The following ANKMY1 variants were observed in gnomAD, a reference collection of about 807,000 sequenced individuals.
ANKMY1 encodes ankyrin repeat and MYND domain containing 1, also known as ankyrin repeat and MYND domain-containing protein 1.
A neutral mutation model predicts 102.0 loss-of-function variants in ANKMY1; 98 were observed. That is an observed-to-expected ratio of 0.96 (90% confidence interval 0.82 to 1.14). The LOEUF (loss-of-function observed/expected upper bound fraction) is 1.14. ANKMY1 is among the 50% of genes most tolerant of loss of function. ANKMY1 has a pLI of 0.00. For synonymous variants in ANKMY1, 582 were observed against 559.9 expected (o/e 1.04, Z -0.56); for missense variants, 1,330 against 1,347.6 (o/e 0.99, Z 0.20).
intron 3 of ANKMY1, 141 bp downstream of exon 3, chr2:240,554,724 AT>A: frequency 1.0e-6 from 1 of 975,716 alleles, no homozygotes; most frequent in South Asian, 1.8e-5. Context: ...TTCTCTGGAC[AT>A]TTCTCAAGGA....
intron 15 of ANKMY1, among the ~76,000 whole-genome samples, chr2:240,489,364 G>A (rs1261567803): frequency 6.6e-6 from 1 of 152,090 alleles, no homozygotes. Flanking sequence ...GCTGAGGCAG[G>A]GAGAATTGCT....
At position 240,529,317 on chromosome 2, in the gene ANKMY1, C is replaced by G. The variant is rs751415576; in HGVS notation, c.673G>C (p.Glu225Gln). Reference sequence around the variant, plus strand: ...AGTCCCCACTCCGTTTTCTCCTCTTCTGAGAGGCTGATCCTGGCAGGGCTG... The same window carrying G: ...AGTCCCCACTCCGTTTTCTCCTCTTGTGAGAGGCTGATCCTGGCAGGGCTG... ...THSPARISLS[E>Q]EEKTEWGLQE... is the part of the protein sequence containing the mutation. Residue 225 changes from glutamate (E) to glutamine (Q), a missense_variant, in exon 5 of 18, where the codon GAA becomes CAA. Transcript: ENST00000401804. This position sits in a 1 kb window ranked among gnomAD's most constrained non-coding sequence, Gnocchi z 4.2. 7 of 1,614,188 alleles carry G rather than the reference C, an allele frequency of 4.3e-6. No individual in the cohort carries two copies. Among genetic ancestry groups the G allele is most frequent in the Non-Finnish European group, 5.9e-6 (7 of 1,180,038 alleles).
downstream of ANKMY1, among the ~76,000 whole-genome samples, chr2:240,476,317 C>G: frequency 6.6e-6 from 1 of 152,146 alleles, no homozygotes; most frequent in East Asian, 1.9e-4. Flanking sequence ...GGACCCTTAT[C>G]TTACACCATA....
Position 240,557,290 on chromosome 2 carries a change from C to T in ANKMY1, c.46G>A (p.Gly16Arg). Residue 16 changes from glycine to arginine, a missense_variant, in exon 2 of 18, where the codon GGG becomes AGG. Physicochemically the swap from Gly to Arg is moderately radical, Grantham distance 125 (BLOSUM62 -2). Transcript: ENST00000401804. Reference protein sequence around the residue: ...ASLSLEDEVSGAGSRQRPLEG... With the variant: ...ASLSLEDEVSRAGSRQRPLEG... ...AGCGGGCGTTGGCGGCTGCCAGCCC[C>T]AGAGACTTCGTCCTCTAAGCTAAGG... 1 of 1,593,074 alleles carries T rather than the reference C, an allele frequency of 6.3e-7. No homozygotes were observed. The highest frequency in any genetic ancestry group is 1.7e-5 in the Admixed American group (1 of 57,730).
At chr2:240,515,188 TG>T (rs1238355116) in intron 9 of ANKMY1, among the ~76,000 whole-genome samples, 1 of 152,244 alleles carries the variant, frequency 6.6e-6, no homozygotes, top group Non-Finnish European at 1.5e-5. Flanking sequence ...GGCCAGTGTC[TG>T]GGCCCCAGTG....
At chr2:240,503,662 G>C (rs534893317) in intron 13 of ANKMY1, among the ~76,000 whole-genome samples, 1 of 152,196 alleles carries the variant, frequency 6.6e-6, no homozygotes, top group African/African-American at 2.4e-5. Flanking sequence ...ACCATGGGCC[G>C]AGGCCAAGAA....
intron 4 of ANKMY1, among the ~76,000 whole-genome samples, chr2:240,537,689 G>A (rs1008533039): frequency 1.3e-5 from 2 of 152,194 alleles, no homozygotes; most frequent in East Asian, 3.8e-4. Context: ...AACGAAGTGT[G>A]CATGTCTATA....
rs759845841 is a variant in ANKMY1, at chr2:240,509,394, C to G, written c.2348G>C (p.Ser783Thr). ...GGACAGGGAGAGCGGGGAGTGGCCACTCCACAGCAGGTTAGGATTTGCTCC... is the reference window on the plus strand; with the variant it reads ...GGACAGGGAGAGCGGGGAGTGGCCAGTCCACAGCAGGTTAGGATTTGCTCC... ...SHGANPNLLWSGHSPLSLSIA... is the reference protein window; with the variant it reads ...SHGANPNLLWTGHSPLSLSIA... Residue 783 changes from serine (S) to threonine (T), a missense_variant, in exon 12 of 18, where the codon AGT becomes ACT. By Grantham distance (58) the Ser-to-Thr change is moderately conservative. Transcript: ENST00000401804. 6.2e-7 allele frequency: 1 copy of G among 1,613,824 alleles called. No homozygotes were observed. Among genetic ancestry groups the G allele is most frequent in the Non-Finnish European group, 8.5e-7 (1 of 1,179,872 alleles).
At chr2:240,496,286 T>C (rs1188438194) in intron 15 of ANKMY1, among the ~76,000 whole-genome samples, 1 of 152,244 alleles carries the variant, frequency 6.6e-6, no homozygotes, top group Non-Finnish European at 1.5e-5. Flanking sequence ...AGAAAGTTTT[T>C]ATCTATCATT....
chr2:240,542,729 T>C (rs944295216), intron 4 of ANKMY1, among the ~76,000 whole-genome samples: 3 of 149,160 alleles, frequency 2.0e-5, no homozygotes, highest in Admixed American at 2.0e-4. Flanking sequence ...TCTATATATA[T>C]ATATATATAT....
chr2:240,544,942 G>A lies in ANKMY1; in HGVS notation c.480+7972C>T, dbSNP rs368973914. ...CAGCGAGGCTGGGGGAGGGGCGCCC[G>A]CCATTGCCCAGGCTTGCTTAGGTAA... On this transcript the variant is annotated intron_variant, in intron 4 of 17. Coordinates refer to ENST00000401804, the MANE Select transcript of ANKMY1 (RefSeq NM_001282771.3). Among the ~76,000 whole-genome samples the A allele has an allele frequency of 5.9e-5, 9 of 152,328 alleles. No individual in the cohort carries two copies. The East Asian group carries it at 9.6e-4, about 16-fold the overall frequency.
chr2:240,472,594 T>C, the ANKMY1 span, among the ~76,000 whole-genome samples: 1 of 152,224 alleles, frequency 6.6e-6, no homozygotes, highest in Non-Finnish European at 1.5e-5. Flanking sequence ...CAGTCCAGTC[T>C]GCCCAGGGAC....
intron 15 of ANKMY1, among the ~76,000 whole-genome samples, chr2:240,482,698 A>G (rs2075557739): frequency 6.6e-6 from 1 of 152,256 alleles, no homozygotes; most frequent in Non-Finnish European, 1.5e-5. Context: ...TAACATGATT[A>G]AGGGATTATG....
At position 240,512,892 on chromosome 2, in the gene ANKMY1, C is replaced by CT. The variant is rs756479729; in HGVS notation, c.2054dup (p.Val687GlyfsTer42). The CT allele has an allele frequency of 3.3e-5, 53 of 1,613,882 alleles. No homozygotes were observed. Among genetic ancestry groups the CT allele is most frequent in the Non-Finnish European group, 4.2e-5 (49 of 1,179,976 alleles). ...ACAGCAGCTCCACAATCTGTACCCCCTCCTCCCCAGGAAGGGCGGCAGCGA... is the reference window on the plus strand; with the variant it reads ...ACAGCAGCTCCACAATCTGTACCCCCTTCCTCCCCAGGAAGGGCGGCAGCGA... On this transcript the variant is annotated frameshift_variant, in exon 10 of 18. Transcript: ENST00000401804. LOFTEE classifies it high-confidence loss of function.
rs2152037671 is a variant in ANKMY1 at position 240,500,494 on chromosome 2, T to C, written c.2598A>G (p.Ala866=). ...AGCCATAGTCCACGGCTGTGCCCACTGCCTCCTTTTCTCCCTGCCTGAGCA... is the reference window on the plus strand; with the variant it reads ...AGCCATAGTCCACGGCTGTGCCCACCGCCTCCTTTTCTCCCTGCCTGAGCA... ...PVMLRQGEKE[A]VGTAVDYGYF... The change falls in exon 14 of 18, where the codon GCA becomes GCG. Residue 866 remains alanine (A), a synonymous_variant. Transcript: ENST00000401804. The C allele has an allele frequency of 6.2e-7, 1 of 1,614,172 alleles. No individual in the cohort carries two copies. Among genetic ancestry groups the C allele is most frequent in the South Asian group, 1.1e-5 (1 of 91,086 alleles).
chr2:240,553,102 C>A (rs2091813329), intron 3 of ANKMY1, 45 bp from the exon 4 acceptor site: 2 of 1,601,838 alleles, frequency 1.2e-6, no homozygotes, highest in African/African-American at 2.7e-5. Context: ...TCTTCCAGAA[C>A]CTGACGGGAT....
chr2:240,526,498 G>A (rs551614240), intron 5 of ANKMY1, 53 bp from the exon 6 acceptor site: 56 of 1,608,786 alleles, frequency 3.5e-5, no homozygotes, highest in South Asian at 2.9e-4. Flanking sequence ...CACCTCCCAC[G>A]AGAAAGGGTC....
rs775391128 is a variant in ANKMY1 at position 240,525,654 on chromosome 2, T to G, written c.1335+31A>C. ...AGACAGAGAAGACTACAGGAGACAG[T>G]TGGTGGTGCAGTGGCCACCGGGGGG... is the stretch of plus-strand genomic sequence containing the variant. On this transcript the variant is annotated intron_variant, in intron 7 of 17. Coordinates refer to ENST00000401804, the MANE Select transcript of ANKMY1 (RefSeq NM_001282771.3). The G allele has an allele frequency of 3.7e-6, 6 of 1,608,174 alleles. No individual in the cohort carries two copies. The East Asian group carries it at 1.1e-4, about 30-fold the overall frequency.
intron 4 of ANKMY1, among the ~76,000 whole-genome samples, chr2:240,545,217 G>A (rs1301614648): frequency 1.1e-4 from 16 of 152,340 alleles, no homozygotes; most frequent in Non-Finnish European, 1.5e-4. Context: ...CCCCCGAGCA[G>A]CCTAACTGGG....
Sources: gnomAD v4.1 joint callset for allele counts (sites outside exome capture counted in the v4.1 genomes callset) on GRCh38, gnomAD v4.1.1 for gene constraint, Gnocchi (gnomAD v3.1) non-coding constraint, MANE v1.5 for transcripts, NCBI Gene and HGNC (gene_info 2026-07-23, HGNC 2026-07-21) for gene names.